Variants in PIK3C3 observed in about 807,000 individuals in gnomAD.
PIK3C3 encodes PI3-kinase type 3.
Under a neutral mutation model 126.1 loss-of-function variants are expected in PIK3C3, and 95 were observed. The ratio of observed to expected loss-of-function variants is 0.75; its 90% CI spans 0.64 to 0.89. PIK3C3 has a LOEUF of 0.89. PIK3C3 is among the 40% of genes least tolerant of loss of function. The pLI, the probability that PIK3C3 is intolerant of heterozygous loss-of-function variation, is 0.00. For missense variants in PIK3C3, 829 were observed against 1,063.2 expected (o/e 0.78, Z 3.06); for synonymous variants, 374 against 360.0 (o/e 1.04, Z -0.44).
chr18:42,017,876 GTT>G (rs1036445649), intron 12 of PIK3C3, among the ~76,000 whole-genome samples: 5 of 151,698 alleles, frequency 3.3e-5, no homozygotes, highest in Admixed American at 2.6e-4. Context: ...TTTAAATCTA[GTT>G]TAACACTCTG....
At chr18:41,966,892 C>T (rs181717682) in intron 3 of PIK3C3, among the ~76,000 whole-genome samples, 168 of 152,210 alleles carry the variant, frequency 1.1e-3, no homozygotes, top group Non-Finnish European at 2.0e-3. Flanking sequence ...ACTAACATAA[C>T]GTAAGATTTT....
At chr18:41,974,037 G>A (rs1229239457) in intron 4 of PIK3C3, among the ~76,000 whole-genome samples, 1 of 152,098 alleles carries the variant, frequency 6.6e-6, no homozygotes, top group African/African-American at 2.4e-5. Flanking sequence ...GTACCCATGA[G>A]CCTAAATAAG....
intron 3 of PIK3C3, among the ~76,000 whole-genome samples, chr18:41,963,358 C>A (rs976704363): frequency 2.0e-5 from 3 of 152,142 alleles, no homozygotes. Flanking sequence ...AGGTGGTGAT[C>A]GATGGCTTTT....
In PIK3C3 at chr18:42,057,058, A is replaced by ACC. The variant is rs34303564; in HGVS notation, c.2264-815_2264-814dup. Among the ~76,000 whole-genome samples, 475 of 107,690 alleles carry ACC rather than the reference A, an allele frequency of 4.4e-3. 4 individuals are homozygous for ACC. The highest frequency in any genetic ancestry group is 0.016 in the African/African-American group (444 of 27,370). 70.6% of individuals were successfully genotyped at this position (107,690 alleles called of 152,430 possible). A position where few individuals can be genotyped will look rare whatever the true frequency, so the allele number is the denominator to read the frequency against. On this transcript the variant is annotated intron_variant, in intron 21 of 24. Transcript: ENST00000262039. ...CAGTAGTTTCTTTTAATAGAAATGA[A>ACC]CCCCCCCCCCCGTGTTGACATTTTA...
intron 16 of PIK3C3, among the ~76,000 whole-genome samples, chr18:42,036,122 G>T (rs1307453623): frequency 6.6e-6 from 1 of 152,080 alleles, no homozygotes; most frequent in African/African-American, 2.4e-5. Context: ...TCAAATAAAA[G>T]GATATTCCAA....
intron 24 of PIK3C3, among the ~76,000 whole-genome samples, chr18:42,074,616 G>A (rs1198919125): frequency 2.6e-5 from 4 of 152,040 alleles, no homozygotes; most frequent in Non-Finnish European, 1.5e-5. Flanking sequence ...ACTATTGCAG[G>A]TTTAAAGCAT....
At chr18:42,025,483 G>A (rs1179515314) in intron 13 of PIK3C3, 1 of 152,156 alleles carries the variant, frequency 6.6e-6, no homozygotes, top group East Asian at 1.9e-4. Flanking sequence ...CCACTTCTCT[G>A]TCTTTCCTTC....
intron 4 of PIK3C3, among the ~76,000 whole-genome samples, chr18:41,986,829 CT>C (rs531811384): frequency 9.8e-4 from 149 of 152,010 alleles, no homozygotes; most frequent in Non-Finnish European, 1.6e-3. Context: ...ATTGATATTA[CT>C]TTTTTTTATT....
intron 24 of PIK3C3, among the ~76,000 whole-genome samples, chr18:42,068,231 G>GT (rs1315016792): frequency 1.3e-5 from 2 of 152,080 alleles, no homozygotes; most frequent in Non-Finnish European, 2.9e-5. Flanking sequence ...TTTTAACCCA[G>GT]TTTTTTTAAA....
intron 6 of PIK3C3, among the ~76,000 whole-genome samples, chr18:41,992,682 CTGAT>C (rs762064066): frequency 5.1e-4 from 77 of 152,150 alleles, no homozygotes; most frequent in Middle Eastern, 6.8e-3. Flanking sequence ...TTCTGAAAAA[CTGAT>C]TGATTGATTT....
Position 41,986,818 on chromosome 18 carries a change from A to C in PIK3C3, c.532-994A>C, listed in dbSNP as rs1321121344. On this transcript the variant is annotated intron_variant, in intron 4 of 24. Transcript: ENST00000262039. ...AAAGGGAATTATTGGAAGAAAGCTA[A>C]ATTGATATTACTTTTTTTTATTACA... Among the ~76,000 whole-genome samples the C allele has an allele frequency of 5.3e-5, 8 of 152,230 alleles. No homozygotes were observed. The East Asian group carries it at 1.5e-3, about 29-fold the overall frequency.
intron 24 of PIK3C3, among the ~76,000 whole-genome samples, chr18:42,074,892 T>C (rs942893990): frequency 6.6e-6 from 1 of 152,080 alleles, no homozygotes; most frequent in Non-Finnish European, 1.5e-5. Context: ...TGCTCTCTAG[T>C]TTTAAATTGT....
chr18:42,033,752 T>C, intron 15 of PIK3C3, 74 bp from the exon 16 acceptor site: 3 of 1,143,858 alleles, frequency 2.6e-6, no homozygotes, highest in Non-Finnish European at 3.7e-6. Context: ...GGAATCAATT[T>C]TTATGTCTTT....
intron 13 of PIK3C3, among the ~76,000 whole-genome samples, chr18:42,021,512 G>A (rs937533845): frequency 1.3e-5 from 2 of 152,132 alleles, no homozygotes; most frequent in African/African-American, 4.8e-5. Context: ...CAAACAAAGG[G>A]CAGAGCCAGG....
At chr18:41,962,433 T>G in intron 2 of PIK3C3, 56 bp from the exon 3 acceptor site, 1 of 1,326,192 alleles carries the variant, frequency 7.5e-7, no homozygotes, top group Non-Finnish European at 9.8e-7. Context: ...TTTGTTAATT[T>G]AAAAGAAAGA....
At position 42,084,435 on chromosome 18, in the gene PIK3C3, G is replaced by T. The variant is rs555988986; in HGVS notation, c.*3298G>T. 1 of 152,076 alleles carries T rather than the reference G, an allele frequency of 6.6e-6. No individual in the cohort carries two copies. The highest frequency in any genetic ancestry group is 1.5e-5 in the Non-Finnish European group (1 of 67,980). The allele number at this position is 152,076 out of a possible 1,614,324, so 9.4% of individuals were successfully genotyped here. A position where few individuals can be genotyped will look rare whatever the true frequency, so the allele number is the denominator to read the frequency against. On this transcript the variant is annotated 3_prime_UTR_variant, in exon 25 of 25. Coordinates refer to ENST00000262039, the MANE Select transcript of PIK3C3 (RefSeq NM_002647.4). ...TATAATTATATACAGAAAATATACTGATTTGCCAAAATGAGTAATTTTGAT... is the reference window on the plus strand; with the variant it reads ...TATAATTATATACAGAAAATATACTTATTTGCCAAAATGAGTAATTTTGAT...
chr18:42,047,253 T>C (rs999441389), intron 20 of PIK3C3, among the ~76,000 whole-genome samples: 1 of 152,180 alleles, frequency 6.6e-6, no homozygotes, highest in Non-Finnish European at 1.5e-5. Flanking sequence ...TGTACAGTGA[T>C]GTTATTTTTC....
At chr18:42,040,159 T>TC (rs1352733153) in intron 18 of PIK3C3, among the ~76,000 whole-genome samples, 6 of 90,198 alleles carry the variant, frequency 6.7e-5, no homozygotes, top group African/African-American at 1.9e-4. Context: ...CCCTTTCCTT[T>TC]TTTTTTTTTT....
In PIK3C3 at chr18:41,996,675, A is replaced by G. The variant is rs1442656548; in HGVS notation, c.929A>G (p.Tyr310Cys). 3 of 1,577,828 alleles carry G rather than the reference A, an allele frequency of 1.9e-6. No individual in the cohort carries two copies. Among genetic ancestry groups the G allele is most frequent in the African/African-American group, 2.7e-5 (2 of 73,428 alleles). The change falls in exon 9 of 25, where the codon TAT becomes TGT. Residue 310 changes from tyrosine (Y) to cysteine (C), a missense_variant. Coordinates refer to ENST00000262039, the MANE Select transcript of PIK3C3 (RefSeq NM_002647.4). ...VSYPPTKQLT[Y>C]EEQDLVWKFR... ...TATCCACCAACCAAGCAACTTACATATGAAGAACAAGATCTTGTTTGGAAG... is the reference window on the plus strand; with the variant it reads ...TATCCACCAACCAAGCAACTTACATGTGAAGAACAAGATCTTGTTTGGAAG...
Sources: allele counts gnomAD v4.1 joint callset (sites outside exome capture counted in the v4.1 genomes callset), GRCh38; gene constraint gnomAD v4.1.1; transcripts MANE v1.5; gene names NCBI Gene and HGNC (gene_info 2026-07-23, HGNC 2026-07-21).